ADAM12: variants seen among roughly 807,000 people sequenced by gnomAD.
ADAM12 encodes disintegrin and metalloproteinase domain-containing protein 12.
In ADAM12, 70 loss-of-function variants were observed where a neutral mutation model predicts 106.4. That is an observed-to-expected ratio of 0.66 (90% CI 0.54 to 0.80). The LOEUF (loss-of-function observed/expected upper bound fraction) is 0.80. Among genes scored for constraint, ADAM12 ranks in the 30% least tolerant of loss-of-function variants. The pLI, the probability that ADAM12 is intolerant of heterozygous loss-of-function variation, is 0.00. For synonymous variants in ADAM12, 420 were observed against 433.5 expected, an observed-to-expected ratio of 0.97 and a Z score of 0.39; for missense variants, 1,010 against 1,171.9, an observed-to-expected ratio of 0.86 and a Z score of 2.02.
intron 3 of ADAM12, among the ~76,000 whole-genome samples, chr10:126,169,382 G>A (rs1450618689): frequency 2.6e-5 from 4 of 152,172 alleles, no homozygotes; most frequent in Admixed American, 6.5e-5. Flanking sequence ...GTCATTTGAG[G>A]TATGTTTCCC....
intron 3 of ADAM12, among the ~76,000 whole-genome samples, chr10:126,157,992 A>G (rs752549846): frequency 1.3e-5 from 2 of 152,216 alleles, no homozygotes; most frequent in Non-Finnish European, 2.9e-5. Flanking sequence ...GACCTTGACA[A>G]TGGAGATGCA....
chr10:126,258,333 T>C (rs116567083), intron 3 of ADAM12, among the ~76,000 whole-genome samples: 2,582 of 152,194 alleles, frequency 0.017, 81 homozygotes, highest in African/African-American at 0.057. Flanking sequence ...GGATTCAGGA[T>C]TTTTCCCTAA....
intron 1 of ADAM12, among the ~76,000 whole-genome samples, chr10:126,375,709 AAACAAGGAGACTAGC>A (rs1856264216): frequency 6.7e-6 from 1 of 148,378 alleles, no homozygotes. Flanking sequence ...AAAAAAAAAA[AAACAAGGAGACTAGC>A]AATCACTTCT....
chr10:126,013,117 A>G lies in ADAM12; in HGVS notation c.*4162T>C, dbSNP rs1296668913. The G allele has an allele frequency of 3.9e-5, 6 of 152,170 alleles. No individual in the cohort carries two copies. The highest frequency in any genetic ancestry group is 1.2e-4 in the African/African-American group (5 of 41,422). The allele number at this position is 152,170 out of a possible 1,614,324, so 9.4% of individuals were successfully genotyped here. On this transcript the variant is annotated 3_prime_UTR_variant, in exon 23 of 23. Coordinates refer to ENST00000448723, the MANE Select transcript of ADAM12 (RefSeq NM_001288973.2). The surrounding 1 kb of genome is among the most constrained non-coding windows in gnomAD (Gnocchi z 4.3). Reference sequence around the variant, plus strand: ...TTATCCATTATTGGATATTTTAACAATTTTATAGTTATTCTTAATTTTTCT... The same window carrying G: ...TTATCCATTATTGGATATTTTAACAGTTTTATAGTTATTCTTAATTTTTCT...
At chr10:126,357,606 G>C (rs1173094520) in intron 1 of ADAM12, among the ~76,000 whole-genome samples, 1 of 152,108 alleles carries the variant, frequency 6.6e-6, no homozygotes, top group Admixed American at 6.5e-5. Context: ...AGCATGGCAG[G>C]GGAGGCCTCA....
At chr10:126,063,609 G>A (rs1954804350) in intron 14 of ADAM12, among the ~76,000 whole-genome samples, 1 of 152,188 alleles carries the variant, frequency 6.6e-6, no homozygotes, top group Non-Finnish European at 1.5e-5. Flanking sequence ...TGCCAGAGCT[G>A]GGGTCTCTGG....
At chr10:126,217,671 C>T (rs1406709400) in intron 3 of ADAM12, among the ~76,000 whole-genome samples, 1 of 146,386 alleles carries the variant, frequency 6.8e-6, no homozygotes, top group Admixed American at 6.8e-5. Flanking sequence ...ATTTTTGCTC[C>T]ATGTAAATTA....
intron 1 of ADAM12, among the ~76,000 whole-genome samples, chr10:126,387,210 G>A (rs1856694053): frequency 6.6e-6 from 1 of 152,212 alleles, no homozygotes; most frequent in African/African-American, 2.4e-5. Context: ...CGGAGACCCG[G>A]GGAAGTTGCC....
chr10:126,086,651 C>CAA lies in ADAM12; in HGVS notation c.1145+7332_1145+7333dup, dbSNP rs1171936921. ...GAGATGGCCCCAATGGACTCTGCCT[C>CAA]AAAAAAAAAAAAAAAAAAAAAAAAA... On this transcript the variant is annotated intron_variant, in intron 11 of 22. Coordinates refer to ENST00000448723, the MANE Select transcript of ADAM12 (RefSeq NM_001288973.2). Among the ~76,000 whole-genome samples, 76 of 16,892 alleles carry CAA rather than the reference C, an allele frequency of 4.5e-3. 4 individuals are homozygous for CAA. Among genetic ancestry groups the CAA allele is most frequent in the East Asian group, 5.4e-3 (2 of 370 alleles). The allele number at this position is 16,892 out of a possible 152,430, so 11.1% of individuals were successfully genotyped here.
chr10:126,181,049 A>C (rs951884637), intron 3 of ADAM12, among the ~76,000 whole-genome samples: 9 of 151,946 alleles, frequency 5.9e-5, no homozygotes, highest in Non-Finnish European at 8.8e-5. Flanking sequence ...AGCAGATATA[A>C]AAGCAGCTTG....
intron 14 of ADAM12, among the ~76,000 whole-genome samples, chr10:126,054,194 T>C (rs1443746405): frequency 6.6e-6 from 1 of 152,256 alleles, no homozygotes; most frequent in African/African-American, 2.4e-5. Flanking sequence ...TGTATATTCA[T>C]AACCTCCACA....
chr10:126,136,040 G>A (rs1269735988), intron 4 of ADAM12, among the ~76,000 whole-genome samples: 1 of 152,104 alleles, frequency 6.6e-6, no homozygotes, highest in African/African-American at 2.4e-5. Flanking sequence ...GGGTATTTAA[G>A]CACACTGTGA....
intron 4 of ADAM12, among the ~76,000 whole-genome samples, chr10:126,153,323 T>C (rs956250302): frequency 2.6e-5 from 4 of 152,200 alleles, no homozygotes; most frequent in African/African-American, 9.7e-5. Flanking sequence ...CTCAAGTGGT[T>C]TTAAGAGTTC....
At chr10:126,077,054 G>A (rs1170363191) in intron 11 of ADAM12, among the ~76,000 whole-genome samples, 1 of 152,166 alleles carries the variant, frequency 6.6e-6, no homozygotes, top group Non-Finnish European at 1.5e-5. Context: ...ACTCAGTAAA[G>A]TTTCAGGATA....
chr10:126,204,126 T>C (rs1218136860), intron 3 of ADAM12, among the ~76,000 whole-genome samples: 1 of 152,156 alleles, frequency 6.6e-6, no homozygotes, highest in Non-Finnish European at 1.5e-5. Context: ...TGGTTCCTCA[T>C]GGAGAAGCCA....
rs11244787 is a variant in ADAM12, at chr10:126,046,147, A to G, written c.1918-15T>C. 210,956 of 1,607,608 alleles carry G rather than the reference A, an allele frequency of 0.13. 14,580 individuals are homozygous for G. The highest frequency in any genetic ancestry group is 0.22 in the Middle Eastern group (1,312 of 6,050). ...TTCAGGCAGATCTGTAGGAGGAGGA[A>G]AACACAGCAAATCTCTTAGTATTTC... is the stretch of plus-strand genomic sequence containing the variant. On this transcript the variant is annotated splice_polypyrimidine_tract_variant and intron_variant, in intron 16 of 22. Transcript: ENST00000448723.
chr10:126,161,123 C>T (rs1269815826), intron 3 of ADAM12, among the ~76,000 whole-genome samples: 1 of 152,088 alleles, frequency 6.6e-6, no homozygotes, highest in Non-Finnish European at 1.5e-5. Context: ...TTATCTCTAC[C>T]TTCAAGAATG....
intron 4 of ADAM12, among the ~76,000 whole-genome samples, chr10:126,148,123 C>G (rs1269043079): frequency 7.0e-6 from 1 of 142,488 alleles, no homozygotes; most frequent in Non-Finnish European, 1.6e-5. Flanking sequence ...TTCATCCTGT[C>G]AGGACAGTCG....
chr10:126,136,435 T>A (rs1451040104), intron 4 of ADAM12, among the ~76,000 whole-genome samples: 1 of 152,164 alleles, frequency 6.6e-6, no homozygotes, highest in African/African-American at 2.4e-5. Flanking sequence ...ACTCAGATCC[T>A]CTGGACGCCA....
Sources: gnomAD v4.1 joint callset for allele counts (sites outside exome capture counted in the v4.1 genomes callset) on GRCh38, gnomAD v4.1.1 for gene constraint, Gnocchi (gnomAD v3.1) non-coding constraint, MANE v1.5 for transcripts, NCBI Gene and HGNC (gene_info 2026-07-23, HGNC 2026-07-21) for gene names.